Variants in HS6ST3 observed in about 807,000 individuals in gnomAD.
HS6ST3 encodes heparan-sulfate 6-O-sulfotransferase 3.
HS6ST3 carries 12 observed loss-of-function variants against 36.7 expected under a neutral mutation model. The ratio of observed to expected loss-of-function variants is 0.33; its 90% CI spans 0.21 to 0.53. The LOEUF (loss-of-function observed/expected upper bound fraction) is 0.53. Ranked by LOEUF, HS6ST3 falls within the 20% of genes least tolerant of loss-of-function variation. The pLI, the probability that HS6ST3 is intolerant of heterozygous loss-of-function variation, is 0.95. For missense variants in HS6ST3, 584 were observed against 640.9 expected (o/e 0.91, Z 0.96); for synonymous variants, 240 against 257.5 (o/e 0.93, Z 0.65).
At chr13:96,518,070 A>C (rs2056079700) in intron 1 of HS6ST3, among the ~76,000 whole-genome samples, 1 of 152,086 alleles carries the variant, frequency 6.6e-6, no homozygotes, top group Non-Finnish European at 1.5e-5. Context: ...AACATGATGG[A>C]GCTGGGGGCT....
chr13:96,428,603 C>T (rs530489320), intron 1 of HS6ST3, among the ~76,000 whole-genome samples: 1 of 152,056 alleles, frequency 6.6e-6, no homozygotes, highest in African/African-American at 2.4e-5. Flanking sequence ...ACCCCAATGA[C>T]CTCATTTAAT....
At position 96,646,087 on chromosome 13, in the gene HS6ST3, C is replaced by T. The variant is rs540416410; in HGVS notation, c.708-186403C>T. Among the ~76,000 whole-genome samples the T allele has an allele frequency of 1.1e-4, 16 of 151,962 alleles. No individual in the cohort carries two copies. In the South Asian group the frequency reaches 1.7e-3, roughly 16 times the overall value. The stretch of plus-strand genomic sequence containing the variant: ...TCAAGTGTACAAAGGAAGAAACAGA[C>T]GGACCAGTAATAAAAGCCTCCATTT... On this transcript the variant is annotated intron_variant, in intron 1 of 1. Coordinates refer to ENST00000376705, the MANE Select transcript of HS6ST3 (RefSeq NM_153456.4).
At chr13:96,704,493 C>A (rs1400553599) in intron 1 of HS6ST3, among the ~76,000 whole-genome samples, 21 of 152,112 alleles carry the variant, frequency 1.4e-4, no homozygotes, top group African/African-American at 2.4e-5. Context: ...TGATGAGGAA[C>A]AAAGATCAGA....
chr13:96,832,824 A>G lies in HS6ST3; in HGVS notation c.1042A>G (p.Met348Val), dbSNP rs767109653. The change falls in exon 2 of 2, where the codon ATG (methionine) becomes GTG (valine). Residue 348 changes from methionine to valine, a missense_variant. Met to Val is a conservative substitution (Grantham distance 21). Around this residue, in one of 3 missense-constraint regions of HS6ST3, gnomAD observed 360 missense variants for 411.3 expected, o/e 0.88. Transcript: ENST00000376705. ...GAGTGCAAAGAACAACCTGAAGAAC[A>G]TGGCCTTCTTTGGGCTCACTGAGTT... ...LQSAKNNLKNMAFFGLTEFQR... is the reference protein window; with the variant it reads ...LQSAKNNLKNVAFFGLTEFQR... The G allele has an allele frequency of 2.5e-6, 4 of 1,614,192 alleles. No homozygotes were observed. The South Asian group carries it at 4.4e-5, about 18-fold the overall frequency.
chr13:96,569,065 A>G (rs2056291809), intron 1 of HS6ST3, among the ~76,000 whole-genome samples: 2 of 152,202 alleles, frequency 1.3e-5, no homozygotes, highest in African/African-American at 4.8e-5. Context: ...TTATGGCTTT[A>G]AAACAGATAT....
At chr13:96,829,862 G>A (rs539366948) in intron 1 of HS6ST3, among the ~76,000 whole-genome samples, 6 of 152,182 alleles carry the variant, frequency 3.9e-5, no homozygotes, top group South Asian at 2.1e-4. Context: ...CTTTATAACC[G>A]ATAATGAGAT....
At chr13:96,682,624 G>A (rs2056722300) in intron 1 of HS6ST3, among the ~76,000 whole-genome samples, 1 of 152,102 alleles carries the variant, frequency 6.6e-6, no homozygotes, top group Admixed American at 6.6e-5. Context: ...ATACAAAAGA[G>A]ACTTCATAAT....
At chr13:96,132,410 CT>C (rs757928866) in intron 1 of HS6ST3, among the ~76,000 whole-genome samples, 270 of 143,662 alleles carry the variant, frequency 1.9e-3, no homozygotes, top group Middle Eastern at 7.1e-3. Context: ...TTTTCTTTTT[CT>C]TTTTTTTTTT....
intron 1 of HS6ST3, among the ~76,000 whole-genome samples, chr13:96,812,355 A>G (rs974937730): frequency 1.1e-4 from 17 of 151,470 alleles, no homozygotes; most frequent in Non-Finnish European, 1.5e-5. Context: ...TTTCCTTTTT[A>G]CTTCCTCTTA....
chr13:96,763,979 A>G (rs949536083), intron 1 of HS6ST3, among the ~76,000 whole-genome samples: 2 of 152,236 alleles, frequency 1.3e-5, no homozygotes, highest in African/African-American at 4.8e-5. Context: ...GAAAAATAGT[A>G]GAAATGAAAA....
intron 1 of HS6ST3, among the ~76,000 whole-genome samples, chr13:96,395,000 CT>C (rs2055413761): frequency 6.6e-6 from 1 of 152,072 alleles, no homozygotes; most frequent in African/African-American, 2.4e-5. Context: ...CCACCTCTGC[CT>C]GTTTACACTG....
chr13:96,741,039 C>G (rs1263964466), intron 1 of HS6ST3, among the ~76,000 whole-genome samples: 1 of 152,172 alleles, frequency 6.6e-6, no homozygotes, highest in Non-Finnish European at 1.5e-5. Context: ...GAAATATAAA[C>G]CCACGAGGAG....
chr13:96,687,183 A>T (rs918017735), intron 1 of HS6ST3, among the ~76,000 whole-genome samples: 2 of 151,954 alleles, frequency 1.3e-5, no homozygotes, highest in African/African-American at 4.8e-5. Context: ...GTTAAAAAAT[A>T]ATCTGTACGG....
intron 1 of HS6ST3, among the ~76,000 whole-genome samples, chr13:96,459,100 T>TAAAAAAAAAAAAA (rs747439262): frequency 7.8e-5 from 5 of 63,884 alleles, no homozygotes; most frequent in South Asian, 5.8e-4. Flanking sequence ...CAAGACTGTC[T>TAAAAAAAAAAAAA]AAAAAAAAAA....
intron 1 of HS6ST3, among the ~76,000 whole-genome samples, chr13:96,459,414 A>G (rs1357952023): frequency 5.9e-5 from 9 of 151,330 alleles, no homozygotes; most frequent in Admixed American, 5.3e-4. Flanking sequence ...CTTGGTTATC[A>G]TATTGGAAAA....
At chr13:96,167,376 A>G (rs975784102) in intron 1 of HS6ST3, among the ~76,000 whole-genome samples, 1 of 152,188 alleles carries the variant, frequency 6.6e-6, no homozygotes, top group African/African-American at 2.4e-5. Flanking sequence ...TCTCCACAGC[A>G]ATCATAATTC....
chr13:96,477,565 C>A (rs1162087538), intron 1 of HS6ST3, among the ~76,000 whole-genome samples: 3 of 151,956 alleles, frequency 2.0e-5, no homozygotes, highest in African/African-American at 7.2e-5. Context: ...CATATATACC[C>A]AAAACAAAAT....
chr13:96,422,097 A>G (rs2055565395), intron 1 of HS6ST3, among the ~76,000 whole-genome samples: 2 of 152,208 alleles, frequency 1.3e-5, no homozygotes, highest in African/African-American at 4.8e-5. Context: ...TTTTGTAATT[A>G]AAACAAAATT....
At chr13:96,745,054 C>T (rs1365672667) in intron 1 of HS6ST3, among the ~76,000 whole-genome samples, 2 of 152,020 alleles carry the variant, frequency 1.3e-5, no homozygotes, top group Non-Finnish European at 2.9e-5. Flanking sequence ...TGAAGGCCTA[C>T]TAAATGTCCA....
Sources: allele counts gnomAD v4.1 joint callset (sites outside exome capture counted in the v4.1 genomes callset), GRCh38; gene constraint gnomAD v4.1.1; regional missense constraint gnomAD v4.1.1; transcripts MANE v1.5; gene names NCBI Gene and HGNC (gene_info 2026-07-23, HGNC 2026-07-21).